The following RAD23B variants were observed in gnomAD, a reference collection of about 807,000 sequenced individuals.
RAD23B encodes RAD23 nucleotide excision repair protein B.
In RAD23B, 5 loss-of-function variants were observed where a neutral mutation model predicts 49.1. The observed-to-expected ratio is 0.10, with a 90% CI of 0.05 to 0.21. The LOEUF is 0.21. Among genes scored for constraint, RAD23B ranks in the 10% least tolerant of loss-of-function variants. The pLI is 1.00. For missense variants in RAD23B, 356 were observed against 486.7 expected, an observed-to-expected ratio of 0.73 and a Z score of 2.53; for synonymous variants, 184 against 165.4, an observed-to-expected ratio of 1.11 and a Z score of -0.86.
intron 1 of RAD23B, among the ~76,000 whole-genome samples, chr9:107,298,132 G>A (rs1826570224): frequency 6.6e-6 from 1 of 152,166 alleles, no homozygotes; most frequent in Admixed American, 6.5e-5. Context: ...CAAAGTTTGA[G>A]AAGAAATTTA....
chr9:107,286,511 T>A lies in RAD23B; in HGVS notation c.66+2816T>A, dbSNP rs116327516. 5.5e-3 allele frequency among the ~76,000 whole-genome samples: 840 copies of A among 152,358 alleles called. 7 individuals are homozygous for A. The highest frequency in any genetic ancestry group is 0.02 in the African/African-American group (815 of 41,594). On this transcript the variant is annotated intron_variant, in intron 1 of 9. Transcript: ENST00000358015. The stretch of plus-strand genomic sequence containing the variant: ...TTGACTATTACTGTGATACATTACA[T>A]GACCACTGCCTTTAGTGTTAATCTT...
At chr9:107,328,453 A>C (rs1358949218) in intron 9 of RAD23B, among the ~76,000 whole-genome samples, 2 of 152,152 alleles carry the variant, frequency 1.3e-5, no homozygotes, top group African/African-American at 2.4e-5. Context: ...GTTTCATCTC[A>C]CATCATCAGG....
At chr9:107,311,901 TTTTAATG>T (rs1826896474) in intron 5 of RAD23B, among the ~76,000 whole-genome samples, 164 bp downstream of exon 5, 2 of 152,264 alleles carry the variant, frequency 1.3e-5, no homozygotes, top group Non-Finnish European at 2.9e-5. Flanking sequence ...TACTAAAGAC[TTTTAATG>T]TTTATGTATT....
chr9:107,330,525 T>G lies in RAD23B; in HGVS notation c.*869T>G, dbSNP rs1469943296. On this transcript the variant is annotated 3_prime_UTR_variant, in exon 10 of 10. Transcript: ENST00000358015. This position sits in a 1 kb window ranked among gnomAD's most constrained non-coding sequence, Gnocchi z 4.4. ...GCCAATGGAGAAATGCAGCATTCACTCTCCCTGTCTTTTCCCCTTCCCTCA... is the reference window on the plus strand; with the variant it reads ...GCCAATGGAGAAATGCAGCATTCACGCTCCCTGTCTTTTCCCCTTCCCTCA... 1 of 152,634 alleles carries G rather than the reference T, an allele frequency of 6.6e-6. No homozygotes were observed. Among genetic ancestry groups the G allele is most frequent in the Non-Finnish European group, 1.5e-5 (1 of 68,040 alleles). The allele number at this position is 152,634 out of a possible 1,614,324, so 9.5% of individuals were successfully genotyped here. A position where few individuals can be genotyped will look rare whatever the true frequency, so the allele number is the denominator to read the frequency against.
intron 4 of RAD23B, among the ~76,000 whole-genome samples, chr9:107,309,713 C>T (rs1382233338): frequency 1.3e-5 from 2 of 152,108 alleles, no homozygotes; most frequent in South Asian, 4.2e-4. Context: ...AGGCGGATCA[C>T]AAGGTCAGGA....
At chr9:107,305,514 G>C (rs1241816595) in intron 3 of RAD23B, among the ~76,000 whole-genome samples, 1 of 152,118 alleles carries the variant, frequency 6.6e-6, no homozygotes, top group Non-Finnish European at 1.5e-5. Flanking sequence ...AAATTATCAT[G>C]TAAGTGGACC....
chr9:107,304,388 G>C (rs1008930719), intron 3 of RAD23B, among the ~76,000 whole-genome samples: 3 of 152,124 alleles, frequency 2.0e-5, no homozygotes, highest in African/African-American at 7.2e-5. Context: ...TGAAGCTCCA[G>C]TTTATCCAGA....
chr9:107,287,486 T>G (rs1319444486), intron 1 of RAD23B, among the ~76,000 whole-genome samples: 1 of 152,226 alleles, frequency 6.6e-6, no homozygotes, highest in Admixed American at 6.5e-5. Context: ...AAGACATCAG[T>G]TTTAATATCT....
chr9:107,325,019 A>G lies in RAD23B; in HGVS notation c.1116+15A>G. The G allele has an allele frequency of 1.2e-6, 2 of 1,607,914 alleles. No homozygotes were observed. On this transcript the variant is annotated intron_variant, in intron 9 of 9. Coordinates refer to ENST00000358015, the MANE Select transcript of RAD23B (RefSeq NM_002874.5). ...CTATAGAAAGGGTGAGTTTAAGTAA[A>G]ACTTTAAAAAAATTAGTTCTTGGCT...
At chr9:107,291,928 T>G (rs1833390793) in intron 1 of RAD23B, among the ~76,000 whole-genome samples, 2 of 152,222 alleles carry the variant, frequency 1.3e-5, no homozygotes, top group South Asian at 4.1e-4. Context: ...CTTTTTCTCT[T>G]TGAAAGTCCA....
At chr9:107,313,798 T>A (rs1451300088) in intron 5 of RAD23B, among the ~76,000 whole-genome samples, 1 of 152,226 alleles carries the variant, frequency 6.6e-6, no homozygotes, top group Non-Finnish European at 1.5e-5. Flanking sequence ...TGTTCACTTC[T>A]TACTTGTACC....
chr9:107,325,568 C>A (rs573985917), intron 9 of RAD23B, among the ~76,000 whole-genome samples: 1 of 152,002 alleles, frequency 6.6e-6, no homozygotes, highest in Non-Finnish European at 1.5e-5. Context: ...TATAAAAATA[C>A]AATTTAATTG....
Position 107,289,112 on chromosome 9 carries a change from C to T in RAD23B, c.66+5417C>T, listed in dbSNP as rs1833335316. 2.3e-5 allele frequency among the ~76,000 whole-genome samples: 3 copies of T among 128,106 alleles called. No homozygotes were observed. The Admixed American group carries it at 2.4e-4, about 10-fold the overall frequency. 84.0% of individuals were successfully genotyped at this position (128,106 alleles called of 152,430 possible). On this transcript the variant is annotated intron_variant, in intron 1 of 9. Coordinates refer to ENST00000358015, the MANE Select transcript of RAD23B (RefSeq NM_002874.5). ...CTTTCCTCCCTTCTTCCCTCCCTCC[C>T]TCCCTTCCCCCTTCCCTCTCCTTTC...
At chr9:107,291,165 A>G (rs1290713121) in intron 1 of RAD23B, among the ~76,000 whole-genome samples, 1 of 152,208 alleles carries the variant, frequency 6.6e-6, no homozygotes, top group Non-Finnish European at 1.5e-5. Context: ...GTTCTCACCA[A>G]TTATTCCCCA....
intron 6 of RAD23B, among the ~76,000 whole-genome samples, chr9:107,320,593 CTG>C (rs1223974328): frequency 6.6e-6 from 1 of 152,120 alleles, no homozygotes; most frequent in Non-Finnish European, 1.5e-5. Context: ...TTGCTTTTAA[CTG>C]TTACTAGTTA....
intron 5 of RAD23B, among the ~76,000 whole-genome samples, chr9:107,316,202 G>A (rs901843249): frequency 6.6e-6 from 1 of 151,862 alleles, no homozygotes; most frequent in African/African-American, 2.4e-5. Context: ...TAGTAGAGGC[G>A]GGGTTTCACC....
At chr9:107,327,648 T>C (rs879510191) in intron 9 of RAD23B, among the ~76,000 whole-genome samples, 1 of 152,198 alleles carries the variant, frequency 6.6e-6, no homozygotes, top group Non-Finnish European at 1.5e-5. Context: ...TTTCAACTTA[T>C]TGAGGTTCGT....
At chr9:107,303,170 T>C (rs1826693246) in intron 3 of RAD23B, among the ~76,000 whole-genome samples, 1 of 151,594 alleles carries the variant, frequency 6.6e-6, no homozygotes, top group Non-Finnish European at 1.5e-5. Flanking sequence ...AGGATTGGAT[T>C]GTCATAATCT....
chr9:107,312,444 G>A (rs1203997563), intron 5 of RAD23B, among the ~76,000 whole-genome samples: 3 of 152,178 alleles, frequency 2.0e-5, no homozygotes, highest in Non-Finnish European at 4.4e-5. Flanking sequence ...AGCTTCTACA[G>A]CAGCAGGGTT....
Sources: allele counts gnomAD v4.1 joint callset (sites outside exome capture counted in the v4.1 genomes callset), GRCh38; gene constraint gnomAD v4.1.1; non-coding constraint Gnocchi (gnomAD v3.1); transcripts MANE v1.5; gene names NCBI Gene and HGNC (gene_info 2026-07-23, HGNC 2026-07-21).